AUH: variants seen among roughly 807,000 people sequenced by gnomAD.
The protein encoded by AUH is methylglutaconyl-CoA hydratase, mitochondrial.
AUH carries 29 observed loss-of-function variants against 42.3 expected under a neutral mutation model. The ratio of observed to expected loss-of-function variants is 0.69; its 90% CI spans 0.51 to 0.93. AUH has a LOEUF of 0.93. Ranked by LOEUF, AUH falls within the 40% of genes least tolerant of loss-of-function variation. AUH has a pLI of 0.00. For missense variants in AUH, 452 were observed against 438.1 expected, an observed-to-expected ratio of 1.03 and a Z score of -0.28; for synonymous variants, 174 against 166.4, an observed-to-expected ratio of 1.05 and a Z score of -0.35.
At chr9:91,271,767 G>A (rs903927881) in intron 6 of AUH, among the ~76,000 whole-genome samples, 5 of 152,052 alleles carry the variant, frequency 3.3e-5, no homozygotes, top group African/African-American at 4.8e-5. Context: ...TGCAGCCTCC[G>A]CCTCCCAGGT....
At chr9:91,360,067 T>C (rs964636373) in intron 1 of AUH, among the ~76,000 whole-genome samples, 4 of 152,172 alleles carry the variant, frequency 2.6e-5, no homozygotes, top group Non-Finnish European at 5.9e-5. Flanking sequence ...TATTATCTTT[T>C]ATTATCTGAT....
rs557314218 is a variant in AUH, at chr9:91,225,600, GGTTA to G, written c.656-4612_656-4609del. ...TTAGGGTACATGTGCACATTGTGCA[GGTTA>G]GTTACATATGTATGTATACATGTGC... is the stretch of plus-strand genomic sequence containing the variant. On this transcript the variant is annotated intron_variant, in intron 6 of 9. Coordinates refer to ENST00000375731, the MANE Select transcript of AUH (RefSeq NM_001698.3). 1.2e-3 allele frequency among the ~76,000 whole-genome samples: 188 copies of G among 151,716 alleles called. 3 individuals carry two copies. Among genetic ancestry groups the G allele is most frequent in the East Asian group, 6.8e-3 (35 of 5,164 alleles).
intron 9 of AUH, 80 bp from the exon 10 acceptor site, chr9:91,214,505 A>G: frequency 8.7e-7 from 1 of 1,151,044 alleles, no homozygotes; most frequent in East Asian, 2.6e-5. Context: ...TAAGAAAACT[A>G]CTTAGAACCA....
chr9:91,323,691 G>A (rs879915033), intron 4 of AUH, among the ~76,000 whole-genome samples: 1 of 151,584 alleles, frequency 6.6e-6, no homozygotes, highest in Admixed American at 6.6e-5. Context: ...AACAAGGGGA[G>A]GGTCTCATTC....
intron 6 of AUH, among the ~76,000 whole-genome samples, chr9:91,279,762 G>A (rs1311085469): frequency 6.6e-6 from 1 of 152,072 alleles, no homozygotes; most frequent in African/African-American, 2.4e-5. Context: ...GACATTTGGT[G>A]GAAACAAATA....
chr9:91,239,741 A>ATG (rs1374168705), intron 6 of AUH, among the ~76,000 whole-genome samples: 21 of 150,682 alleles, frequency 1.4e-4, no homozygotes, highest in Admixed American at 1.4e-3. Context: ...ATGAAAACAC[A>ATG]CACGCACACA....
intron 6 of AUH, among the ~76,000 whole-genome samples, chr9:91,284,715 T>C (rs1451346561): frequency 6.6e-6 from 1 of 152,070 alleles, no homozygotes; most frequent in Non-Finnish European, 1.5e-5. Flanking sequence ...GAAAAAATGC[T>C]GTATCACTGG....
intron 3 of AUH, among the ~76,000 whole-genome samples, chr9:91,338,830 A>G (rs1830888415): frequency 6.6e-6 from 1 of 152,240 alleles, no homozygotes; most frequent in South Asian, 2.1e-4. Flanking sequence ...CATGAAGGAT[A>G]ATCTAGAAAC....
At chr9:91,273,503 G>A (rs1825316467) in intron 6 of AUH, among the ~76,000 whole-genome samples, 1 of 152,158 alleles carries the variant, frequency 6.6e-6, no homozygotes, top group Non-Finnish European at 1.5e-5. Context: ...CACTGTAAGT[G>A]AAAATAGTTG....
intron 6 of AUH, among the ~76,000 whole-genome samples, chr9:91,247,287 G>A (rs1240928140): frequency 6.6e-6 from 1 of 152,114 alleles, no homozygotes; most frequent in African/African-American, 2.4e-5. Context: ...GGTAAGGGGG[G>A]CAGCTAACTC....
intron 6 of AUH, among the ~76,000 whole-genome samples, chr9:91,282,569 T>G (rs991435798): frequency 1.3e-5 from 2 of 152,138 alleles, no homozygotes; most frequent in African/African-American, 4.8e-5. Flanking sequence ...TGGTAGGAGC[T>G]GAGGTCAGAG....
intron 6 of AUH, among the ~76,000 whole-genome samples, chr9:91,229,719 C>G (rs1827752528): frequency 6.6e-6 from 1 of 151,954 alleles, no homozygotes; most frequent in Non-Finnish European, 1.5e-5. Flanking sequence ...ATGTTTAGCA[C>G]TTCCTTCAGG....
intron 3 of AUH, among the ~76,000 whole-genome samples, chr9:91,346,149 C>G (rs898878774): frequency 6.6e-6 from 1 of 152,124 alleles, no homozygotes; most frequent in South Asian, 2.1e-4. Context: ...TGCTAATGAA[C>G]TGACTCTTAG....
chr9:91,356,104 T>C lies in AUH; in HGVS notation c.314A>G (p.Lys105Arg), dbSNP rs758750347. 1.2e-6 allele frequency: 2 copies of C among 1,613,606 alleles called. No homozygotes were observed. Among genetic ancestry groups the C allele is most frequent in the East Asian group, 2.2e-5 (1 of 44,816 alleles). ...NRAYGKNSLS[K>R]NLIKMLSKAV... ...TACACTCACCATTTTTATAAGATTTTTACTGAGTGAATTTTTGCCATAAGC... is the reference window on the plus strand; with the variant it reads ...TACACTCACCATTTTTATAAGATTTCTACTGAGTGAATTTTTGCCATAAGC... Residue 105 changes from lysine to arginine, a missense_variant, in exon 2 of 10, where the codon AAA (lysine) becomes AGA (arginine). By Grantham distance (26) the Lys-to-Arg change is conservative. Coordinates refer to ENST00000375731, the MANE Select transcript of AUH (RefSeq NM_001698.3).
intron 3 of AUH, among the ~76,000 whole-genome samples, chr9:91,349,257 A>T (rs554828633): frequency 6.6e-6 from 1 of 152,370 alleles, no homozygotes; most frequent in East Asian, 1.9e-4. Flanking sequence ...CAAAAGCAGA[A>T]GCAAAACTAC....
intron 4 of AUH, among the ~76,000 whole-genome samples, chr9:91,299,708 C>G (rs1032878590): frequency 6.6e-6 from 1 of 152,102 alleles, no homozygotes; most frequent in African/African-American, 2.4e-5. Flanking sequence ...AAATATAAAA[C>G]AGCAAGTTAA....
chr9:91,221,049 T>C, intron 6 of AUH, 57 bp from the exon 7 acceptor site: 1 of 1,557,638 alleles, frequency 6.4e-7, no homozygotes, highest in Non-Finnish European at 8.8e-7. Flanking sequence ...GTTTTAACAC[T>C]TCAGTGTTTC....
intron 9 of AUH, among the ~76,000 whole-genome samples, chr9:91,214,828 A>G (rs1826729566): frequency 6.6e-6 from 1 of 152,220 alleles, no homozygotes; most frequent in African/African-American, 2.4e-5. Context: ...GATGTTGTTT[A>G]ATCACCCAAT....
At chr9:91,247,216 G>GAAACACTGAGTCT (rs1157408967) in intron 6 of AUH, among the ~76,000 whole-genome samples, 7 of 152,040 alleles carry the variant, frequency 4.6e-5, no homozygotes, top group Non-Finnish European at 8.8e-5. Context: ...TCTACATCCG[G>GAAACACTGAGTCT]ACAGAGAAAC....
Sources: gnomAD v4.1 joint callset for allele counts (sites outside exome capture counted in the v4.1 genomes callset) on GRCh38, gnomAD v4.1.1 for gene constraint, MANE v1.5 for transcripts, NCBI Gene and HGNC (gene_info 2026-07-23, HGNC 2026-07-21) for gene names.